RAB27B: variants seen among roughly 807,000 people sequenced by gnomAD.
RAB27B encodes ras-related protein Rab-27B.
In RAB27B, 15 loss-of-function variants were observed where a neutral mutation model predicts 24.6. That is an observed-to-expected ratio of 0.61 (90% confidence interval 0.41 to 0.94). RAB27B has a LOEUF of 0.94. RAB27B is among the 40% of genes least tolerant of loss of function. RAB27B has a pLI of 0.00. For missense variants in RAB27B, 261 were observed against 266.8 expected, an observed-to-expected ratio of 0.98 and a Z score of 0.15; for synonymous variants, 105 against 92.5, an observed-to-expected ratio of 1.14 and a Z score of -0.78.
chr18:54,750,926 C>T (rs984287097), intron 2 of RAB27B, among the ~76,000 whole-genome samples: 5 of 152,054 alleles, frequency 3.3e-5, no homozygotes, highest in African/African-American at 4.8e-5. Context: ...CAAAGCATGT[C>T]GGAGAGGAGC....
chr18:54,727,175 T>C (rs890114305), intron 2 of RAB27B, among the ~76,000 whole-genome samples: 8 of 152,206 alleles, frequency 5.3e-5, no homozygotes, highest in African/African-American at 1.9e-4. Context: ...AATTTCATCA[T>C]GTTGGCCAGG....
intron 2 of RAB27B, among the ~76,000 whole-genome samples, chr18:54,775,839 G>T (rs755790470): frequency 5.8e-4 from 89 of 152,148 alleles, no homozygotes; most frequent in Non-Finnish European, 1.0e-3. Flanking sequence ...ACTCATATCA[G>T]CTCATGGTCA....
chr18:54,832,580 C>T (rs528358055), intron 1 of RAB27B, among the ~76,000 whole-genome samples: 1 of 152,254 alleles, frequency 6.6e-6, no homozygotes, highest in Middle Eastern at 3.4e-3. Context: ...TCCTTGAGGA[C>T]ATCACTGAGA....
At chr18:54,797,487 A>G (rs1365530248) in intron 2 of RAB27B, among the ~76,000 whole-genome samples, 3 of 152,174 alleles carry the variant, frequency 2.0e-5, no homozygotes, top group Admixed American at 6.5e-5. Context: ...CTGCACTCCA[A>G]TTTGGGCCAC....
At chr18:54,789,934 T>C (rs780452531) in intron 2 of RAB27B, among the ~76,000 whole-genome samples, 1 of 152,100 alleles carries the variant, frequency 6.6e-6, no homozygotes, top group Non-Finnish European at 1.5e-5. Flanking sequence ...TTGAGATAAA[T>C]TGCTATACTT....
At position 54,801,010 on chromosome 18, in the gene RAB27B, T is replaced by TTTTTG. The variant is rs749820596; in HGVS notation, c.-19-76553_-19-76552insGTTTT. Among the ~76,000 whole-genome samples, 2 of 45,840 alleles carry TTTTTG rather than the reference T, an allele frequency of 4.4e-5. 1 individual carries two copies. The highest frequency in any genetic ancestry group is 1.8e-4 in the African/African-American group (2 of 10,934). The allele number at this position is 45,840 out of a possible 152,430, so 30.1% of individuals were successfully genotyped here. ...TTTTAAATTTGTTTTGTTCCTGTGT[T>TTTTTG]TTTTTTTTTTTTTTTTTTTTTTAAC... On this transcript the variant is annotated intron_variant, in intron 2 of 4. Transcript: ENST00000586570.
intron 2 of RAB27B, among the ~76,000 whole-genome samples, chr18:54,770,596 T>C (rs974783608): frequency 1.3e-5 from 2 of 152,092 alleles, no homozygotes; most frequent in African/African-American, 4.8e-5. Context: ...ATAAATGTAA[T>C]GGACTTGAGT....
intron 2 of RAB27B, among the ~76,000 whole-genome samples, chr18:54,737,262 C>A (rs990791808): frequency 2.6e-5 from 4 of 152,128 alleles, no homozygotes; most frequent in African/African-American, 4.8e-5. Context: ...AGAGTTAAAT[C>A]TTGGATGGGC....
chr18:54,818,153 G>A (rs561323626), intron 2 of RAB27B, among the ~76,000 whole-genome samples: 10 of 152,224 alleles, frequency 6.6e-5, no homozygotes, highest in South Asian at 4.2e-4. Flanking sequence ...GCAAATAGCC[G>A]TACAATCCTT....
intron 1 of RAB27B, among the ~76,000 whole-genome samples, chr18:54,843,524 G>A (rs958767428): frequency 2.6e-5 from 4 of 152,150 alleles, no homozygotes; most frequent in African/African-American, 9.7e-5. Context: ...GACTAAGGGT[G>A]ATATTAAACA....
intron 1 of RAB27B, among the ~76,000 whole-genome samples, chr18:54,853,867 T>G (rs1198331914): frequency 6.6e-6 from 1 of 152,174 alleles, no homozygotes; most frequent in Non-Finnish European, 1.5e-5. Context: ...ATTATCCTCT[T>G]TCTTCCACCC....
intron 2 of RAB27B, among the ~76,000 whole-genome samples, chr18:54,779,074 A>G (rs1305193805): frequency 1.3e-5 from 2 of 152,136 alleles, no homozygotes; most frequent in Non-Finnish European, 2.9e-5. Flanking sequence ...TCTTGAACTC[A>G]TGATCTGTCT....
intron 1 of RAB27B, among the ~76,000 whole-genome samples, chr18:54,860,144 T>C (rs1911954895): frequency 6.6e-6 from 1 of 152,186 alleles, no homozygotes; most frequent in South Asian, 2.1e-4. Context: ...GAGGAATTCA[T>C]GGTGAATTCC....
At chr18:54,821,230 T>C (rs1910300013) in intron 2 of RAB27B, among the ~76,000 whole-genome samples, 1 of 152,168 alleles carries the variant, frequency 6.6e-6, no homozygotes, top group Admixed American at 6.5e-5. Context: ...CAAGCATTCT[T>C]ATACACAAAT....
At chr18:54,739,958 G>A (rs945515170) in intron 2 of RAB27B, among the ~76,000 whole-genome samples, 1 of 152,164 alleles carries the variant, frequency 6.6e-6, no homozygotes, top group African/African-American at 2.4e-5. Flanking sequence ...ATGTAGATGT[G>A]TAAGAGTTAT....
chr18:54,877,386 G>A (rs1371675720), intron 1 of RAB27B, among the ~76,000 whole-genome samples, 181 bp from the exon 2 acceptor site: 1 of 152,100 alleles, frequency 6.6e-6, no homozygotes, highest in Admixed American at 6.5e-5. Context: ...GATTTGTACT[G>A]AGTAAAACAT....
chr18:54,837,562 G>A (rs1910944483), intron 1 of RAB27B, among the ~76,000 whole-genome samples: 1 of 152,054 alleles, frequency 6.6e-6, no homozygotes, highest in Admixed American at 6.6e-5. Flanking sequence ...TCAGGCTGGT[G>A]ATAATGACTG....
chr18:54,795,018 G>A lies in RAB27B; in HGVS notation c.-20+76877G>A, dbSNP rs375553370. On this transcript the variant is annotated intron_variant, in intron 2 of 4. Transcript: ENST00000586570. ...ACTTTCCATTCCTAACTGCAGCATAGCAGTCTGGTCTGTTTCCTGTCACCA... is the reference window on the plus strand; with the variant it reads ...ACTTTCCATTCCTAACTGCAGCATAACAGTCTGGTCTGTTTCCTGTCACCA... Among the ~76,000 whole-genome samples, 9 of 152,268 alleles carry A rather than the reference G, an allele frequency of 5.9e-5. No homozygotes were observed. The East Asian group carries it at 9.6e-4, about 16-fold the overall frequency.
intron 2 of RAB27B, among the ~76,000 whole-genome samples, chr18:54,786,325 C>T (rs1909084847): frequency 1.3e-5 from 2 of 152,224 alleles, no homozygotes; most frequent in Non-Finnish European, 1.5e-5. Flanking sequence ...CAGACCTGTT[C>T]TTACTTTTCT....
Sources: gnomAD v4.1 joint callset for allele counts (sites outside exome capture counted in the v4.1 genomes callset) on GRCh38, gnomAD v4.1.1 for gene constraint, MANE v1.5 for transcripts, NCBI Gene and HGNC (gene_info 2026-07-23, HGNC 2026-07-21) for gene names.